SPAG16: variants seen among roughly 807,000 people sequenced by gnomAD.
SPAG16 encodes sperm associated antigen 16.
In SPAG16, 86 loss-of-function variants were observed where a neutral mutation model predicts 80.4. The ratio of observed to expected loss-of-function variants is 1.07; its 90% CI spans 0.90 to 1.28. The LOEUF is 1.28. Ranked by LOEUF, SPAG16 falls within the 50% of genes most tolerant of loss-of-function variation. The probability of loss-of-function intolerance (pLI) is 0.00; values close to 1 mark genes in which losing one functional copy is unlikely to be tolerated. For synonymous variants in SPAG16, 294 were observed against 265.9 expected (o/e 1.11, Z -1.03); for missense variants, 870 against 765.3 (o/e 1.14, Z -1.61).
At chr2:214,062,017 ACACG>A (rs1293975947) in intron 13 of SPAG16, among the ~76,000 whole-genome samples, 3 of 146,818 alleles carry the variant, frequency 2.0e-5, no homozygotes, top group Non-Finnish European at 4.5e-5. Flanking sequence ...ACACACACAC[ACACG>A]CAGTGTGTAG....
chr2:214,314,990 T>C (rs1312542646), intron 15 of SPAG16, among the ~76,000 whole-genome samples: 2 of 151,584 alleles, frequency 1.3e-5, no homozygotes, highest in East Asian at 3.9e-4. Context: ...TGGAAAAATA[T>C]GAGAGAATTC....
At chr2:213,704,418 C>A (rs901980172) in intron 10 of SPAG16, among the ~76,000 whole-genome samples, 1 of 152,084 alleles carries the variant, frequency 6.6e-6, no homozygotes, top group African/African-American at 2.4e-5. Context: ...TAATGATAGG[C>A]TGAGTGGGAA....
At chr2:213,674,503 T>C (rs2063956699) in intron 10 of SPAG16, among the ~76,000 whole-genome samples, 2 of 150,990 alleles carry the variant, frequency 1.3e-5, no homozygotes, top group East Asian at 1.9e-4. Context: ...CATCTAGCAT[T>C]AGGTATATCT....
At chr2:213,904,600 C>CAAAAAAAAAAAAAAAAAAAAAAAAAAA (rs34952255) in intron 11 of SPAG16, among the ~76,000 whole-genome samples, 2 of 89,478 alleles carry the variant, frequency 2.2e-5, no homozygotes, top group Non-Finnish European at 2.1e-5. Flanking sequence ...ATAAATTTTG[C>CAAAAAAAAAAAAAAAAAAAAAAAAAAA]AAAAAAAAAA....
rs1032085608 is a variant in SPAG16, at chr2:213,460,981, T to A, written c.943-28982T>A. Among the ~76,000 whole-genome samples, 6 of 152,272 alleles carry A rather than the reference T, an allele frequency of 3.9e-5. No homozygotes were observed. The East Asian group carries it at 1.2e-3, about 29-fold the overall frequency. On this transcript the variant is annotated intron_variant, in intron 9 of 15. Coordinates refer to ENST00000331683, the MANE Select transcript of SPAG16 (RefSeq NM_024532.5). ...TGAATATAAAAAATATAAATTATAATTTTACTTTCATGCCATTTCTACCTC... is the reference window on the plus strand; with the variant it reads ...TGAATATAAAAAATATAAATTATAAATTTACTTTCATGCCATTTCTACCTC...
intron 11 of SPAG16, among the ~76,000 whole-genome samples, chr2:213,902,340 A>G (rs1258441531): frequency 1.3e-5 from 2 of 152,226 alleles, no homozygotes; most frequent in Non-Finnish European, 2.9e-5. Context: ...CATACCTGAG[A>G]CTGGGAAGAA....
intron 10 of SPAG16, among the ~76,000 whole-genome samples, chr2:213,602,415 C>T (rs1182708229): frequency 4.6e-5 from 7 of 152,106 alleles, no homozygotes; most frequent in East Asian, 3.9e-4. Flanking sequence ...GGGCAGATCA[C>T]GAGGTCAAGA....
Position 213,931,722 on chromosome 2 carries a change from C to T in SPAG16, c.1400+1577C>T, listed in dbSNP as rs80201713. Reference sequence around the variant, plus strand: ...GACCCTGGTATCTAAATACTGACTTCCAATTGGTGCCCAGTAAATCTTGAT... The same window carrying T: ...GACCCTGGTATCTAAATACTGACTTTCAATTGGTGCCCAGTAAATCTTGAT... On this transcript the variant is annotated intron_variant, in intron 12 of 15. Transcript: ENST00000331683. 2.5e-3 allele frequency among the ~76,000 whole-genome samples: 381 copies of T among 152,210 alleles called. 1 individual carries two copies. The highest frequency in any genetic ancestry group is 3.9e-3 in the Non-Finnish European group (263 of 68,024).
chr2:213,717,448 C>T (rs2066290388), intron 10 of SPAG16, among the ~76,000 whole-genome samples: 1 of 152,162 alleles, frequency 6.6e-6, no homozygotes, highest in Admixed American at 6.5e-5. Context: ...GTGTGAGCCA[C>T]TGCGCCCGGC....
chr2:214,245,844 T>C (rs116579897), intron 15 of SPAG16, among the ~76,000 whole-genome samples: 2,481 of 152,324 alleles, frequency 0.016, 41 homozygotes, highest in African/African-American at 0.037. Context: ...TTTTTAAATT[T>C]ACCTGATATG....
intron 15 of SPAG16, chr2:214,239,729 G>C (rs1483556550): frequency 6.6e-6 from 1 of 152,146 alleles, no homozygotes; most frequent in Non-Finnish European, 1.5e-5. Flanking sequence ...TGGAGACAGG[G>C]ATAGAGGACA....
At chr2:214,355,851 T>G (rs930025722) in intron 15 of SPAG16, among the ~76,000 whole-genome samples, 15 of 151,054 alleles carry the variant, frequency 9.9e-5, no homozygotes, top group Admixed American at 2.6e-4. Flanking sequence ...CCATAAAAAA[T>G]GATGAGTTCA....
At chr2:214,399,675 A>G (rs1474232003) in intron 15 of SPAG16, among the ~76,000 whole-genome samples, 1 of 152,108 alleles carries the variant, frequency 6.6e-6, no homozygotes, top group Non-Finnish European at 1.5e-5. Context: ...ATTACTTTAC[A>G]ATAAGACAAA....
At chr2:213,987,880 A>C (rs1374122299) in intron 12 of SPAG16, among the ~76,000 whole-genome samples, 3 of 147,246 alleles carry the variant, frequency 2.0e-5, no homozygotes, top group Non-Finnish European at 4.5e-5. Flanking sequence ...AATAGTGTAA[A>C]TATAAACATA....
intron 15 of SPAG16, among the ~76,000 whole-genome samples, chr2:214,218,146 G>A (rs543724581): frequency 3.9e-5 from 6 of 152,192 alleles, no homozygotes; most frequent in South Asian, 2.1e-4. Flanking sequence ...TTAATGTGTC[G>A]CATGAAAGAC....
intron 13 of SPAG16, among the ~76,000 whole-genome samples, chr2:214,023,493 T>C (rs762733437): frequency 6.6e-6 from 1 of 151,834 alleles, no homozygotes; most frequent in Non-Finnish European, 1.5e-5. Context: ...ACATTTGTCA[T>C]TAACTTAAGG....
intron 9 of SPAG16, among the ~76,000 whole-genome samples, chr2:213,392,745 G>T (rs2067821647): frequency 6.6e-6 from 1 of 151,902 alleles, no homozygotes; most frequent in Admixed American, 6.6e-5. Flanking sequence ...TACTCGGGAG[G>T]CTGAAGCAGA....
chr2:214,296,485 G>C (rs186502896), intron 15 of SPAG16, among the ~76,000 whole-genome samples: 2 of 152,056 alleles, frequency 1.3e-5, no homozygotes, highest in African/African-American at 2.4e-5. Context: ...TTCCATAGAG[G>C]TTTTACTAAT....
intron 10 of SPAG16, among the ~76,000 whole-genome samples, chr2:213,655,080 T>C (rs13398072): frequency 0.013 from 1,967 of 152,294 alleles, 40 homozygotes; most frequent in African/African-American, 0.044. Context: ...TCCAAACCCA[T>C]AGAATGCATA....
Sources: allele counts gnomAD v4.1 joint callset (sites outside exome capture counted in the v4.1 genomes callset), GRCh38; gene constraint gnomAD v4.1.1; transcripts MANE v1.5; gene names NCBI Gene and HGNC (gene_info 2026-07-23, HGNC 2026-07-21).